TSPAN9: variants seen among roughly 807,000 people sequenced by gnomAD.
TSPAN9 encodes tetraspanin-9.
In TSPAN9, 16 loss-of-function variants were observed where a neutral mutation model predicts 31.0. That is an observed-to-expected ratio of 0.52 (90% CI 0.35 to 0.78). The LOEUF (loss-of-function observed/expected upper bound fraction) is 0.78. Among genes scored for constraint, TSPAN9 ranks in the 30% least tolerant of loss-of-function variants. The probability of loss-of-function intolerance (pLI) is 0.01; values close to 1 mark genes in which losing one functional copy is unlikely to be tolerated. For synonymous variants in TSPAN9, 145 were observed against 121.6 expected, an observed-to-expected ratio of 1.19 and a Z score of -1.27; for missense variants, 272 against 312.5, an observed-to-expected ratio of 0.87 and a Z score of 0.98.
chr12:3,082,976 T>C (rs1164359279), intron 1 of TSPAN9, among the ~76,000 whole-genome samples: 1 of 152,194 alleles, frequency 6.6e-6, no homozygotes, highest in African/African-American at 2.4e-5. Context: ...CATCCCAAAT[T>C]TGTATCCACA....
At chr12:3,129,269 C>T (rs894593263) in intron 2 of TSPAN9, among the ~76,000 whole-genome samples, 2 of 152,208 alleles carry the variant, frequency 1.3e-5, no homozygotes, top group Admixed American at 1.3e-4. Context: ...AGTGGCTCCC[C>T]ACTGCCTGCA....
At chr12:3,241,512 T>C (rs779630585) in intron 3 of TSPAN9, among the ~76,000 whole-genome samples, 19 of 152,238 alleles carry the variant, frequency 1.2e-4, no homozygotes, top group African/African-American at 1.2e-4. Context: ...TAAAAACATA[T>C]ATGTCTACAA....
At chr12:3,198,628 C>T (rs1324176562) in intron 2 of TSPAN9, among the ~76,000 whole-genome samples, 18 of 79,754 alleles carry the variant, frequency 2.3e-4, no homozygotes, top group East Asian at 4.1e-4. Context: ...CCAGCACAGG[C>T]CACCACCAGC....
At chr12:3,118,279 T>G (rs1312960785) in intron 2 of TSPAN9, among the ~76,000 whole-genome samples, 2 of 130,072 alleles carry the variant, frequency 1.5e-5, no homozygotes, top group Non-Finnish European at 3.2e-5. Flanking sequence ...TTTTTTTTTT[T>G]TGAGATGGAG....
chr12:3,134,890 C>T (rs2098331387), intron 2 of TSPAN9, among the ~76,000 whole-genome samples: 1 of 152,000 alleles, frequency 6.6e-6, no homozygotes, highest in Non-Finnish European at 1.5e-5. Flanking sequence ...TGTACAGGCA[C>T]ATCATCCATG....
chr12:3,109,299 T>TGTGTGTGTGTGTGTGTGAGAGAGAGAGA (rs1274383200), intron 2 of TSPAN9, among the ~76,000 whole-genome samples: 2 of 118,304 alleles, frequency 1.7e-5, no homozygotes, highest in African/African-American at 9.1e-5. Context: ...TGTGTGTGTG[T>TGTGTGTGTGTGTGTGTGAGAGAGAGAGA]GAGAGAGAGT....
At chr12:3,162,066 A>G (rs1457735004) in intron 2 of TSPAN9, among the ~76,000 whole-genome samples, 1 of 152,034 alleles carries the variant, frequency 6.6e-6, no homozygotes, top group Non-Finnish European at 1.5e-5. Context: ...ATCCCTCATG[A>G]ATAGATTAAT....
chr12:3,193,733 C>T (rs185530885), intron 2 of TSPAN9, among the ~76,000 whole-genome samples: 147 of 152,362 alleles, frequency 9.6e-4, no homozygotes, highest in African/African-American at 3.5e-3. Context: ...CAGCCCACTC[C>T]GAATGGGCAG....
chr12:3,151,683 A>G (rs79140721), intron 2 of TSPAN9, among the ~76,000 whole-genome samples: 1 of 152,164 alleles, frequency 6.6e-6, no homozygotes, highest in Non-Finnish European at 1.5e-5. Context: ...AAACCCAGAT[A>G]TGAAACAGAA....
chr12:3,212,352 A>T (rs2098379166), intron 3 of TSPAN9, among the ~76,000 whole-genome samples: 2 of 152,198 alleles, frequency 1.3e-5, no homozygotes, highest in South Asian at 4.1e-4. Context: ...TTCACCATAC[A>T]TTAGGTCTTC....
chr12:3,282,301 T>C (rs1357941858), intron 8 of TSPAN9, among the ~76,000 whole-genome samples: 1 of 152,216 alleles, frequency 6.6e-6, no homozygotes, highest in African/African-American at 2.4e-5. Flanking sequence ...GACGTGGTCC[T>C]GAGCACACAT....
intron 2 of TSPAN9, among the ~76,000 whole-genome samples, chr12:3,110,109 C>T (rs944949483): frequency 1.6e-5 from 2 of 125,748 alleles, no homozygotes; most frequent in African/African-American, 7.6e-5. Flanking sequence ...TCCTCCACCT[C>T]AGCACAAGAC....
intron 2 of TSPAN9, among the ~76,000 whole-genome samples, chr12:3,189,240 G>A (rs574723975): frequency 6.6e-6 from 1 of 152,312 alleles, no homozygotes; most frequent in Non-Finnish European, 1.5e-5. Context: ...GTGGAGGGCA[G>A]GTGCATGCAG....
intron 3 of TSPAN9, among the ~76,000 whole-genome samples, chr12:3,242,471 G>C (rs2098397069): frequency 6.6e-6 from 1 of 152,254 alleles, no homozygotes. Context: ...ATGTGACACG[G>C]CCAGTCCAAG....
At chr12:3,122,455 A>G (rs2098325585) in intron 2 of TSPAN9, among the ~76,000 whole-genome samples, 2 of 151,882 alleles carry the variant, frequency 1.3e-5, no homozygotes, top group South Asian at 2.1e-4. Context: ...GCAAATTAAA[A>G]TTTTTTTTGT....
At chr12:3,271,999 C>T (rs1376218879) in intron 3 of TSPAN9, among the ~76,000 whole-genome samples, 1 of 152,188 alleles carries the variant, frequency 6.6e-6, no homozygotes, top group African/African-American at 2.4e-5. Context: ...AAAAATTCTC[C>T]ACATCCACTA....
At chr12:3,155,947 C>G (rs376727504) in intron 2 of TSPAN9, among the ~76,000 whole-genome samples, 2 of 152,156 alleles carry the variant, frequency 1.3e-5, no homozygotes, top group Non-Finnish European at 2.9e-5. Context: ...AGACGTTGCT[C>G]CATGGTTTTC....
chr12:3,228,493 G>A (rs757842364), intron 3 of TSPAN9, among the ~76,000 whole-genome samples: 1 of 152,232 alleles, frequency 6.6e-6, no homozygotes, highest in Non-Finnish European at 1.5e-5. Flanking sequence ...TCCAGGACTA[G>A]CTTAGGCAAT....
intron 3 of TSPAN9, among the ~76,000 whole-genome samples, chr12:3,212,077 T>A (rs2098379027): frequency 6.6e-6 from 1 of 152,222 alleles, no homozygotes; most frequent in African/African-American, 2.4e-5. Context: ...GTTCAAGCAA[T>A]TCTTATGCCT....
Sources: gnomAD v4.1 joint callset for allele counts (sites outside exome capture counted in the v4.1 genomes callset) on GRCh38, gnomAD v4.1.1 for gene constraint, MANE v1.5 for transcripts, NCBI Gene and HGNC (gene_info 2026-07-23, HGNC 2026-07-21) for gene names.